MRTFB: variants seen among roughly 807,000 people sequenced by gnomAD.
The protein encoded by MRTFB is myocardin-related transcription factor B.
Under a neutral mutation model 104.2 loss-of-function variants are expected in MRTFB, and 29 were observed. That is an observed-to-expected ratio of 0.28 (90% CI 0.21 to 0.38). The LOEUF (loss-of-function observed/expected upper bound fraction) is 0.38. Among genes scored for constraint, MRTFB ranks in the 10% least tolerant of loss-of-function variants. MRTFB has a pLI of 1.00. For missense variants in MRTFB, 1,270 were observed against 1,341.6 expected (o/e 0.95, Z 0.83); for synonymous variants, 535 against 519.5 (o/e 1.03, Z -0.41).
chr16:14,082,593 G>A (rs138980451), intron 2 of MRTFB, among the ~76,000 whole-genome samples: 79 of 152,216 alleles, frequency 5.2e-4, no homozygotes, highest in Admixed American at 1.4e-3. Context: ...GACCAGCTGG[G>A]TGACAAAGTG....
At position 14,232,463 on chromosome 16, in the gene MRTFB, A is replaced by G. The variant is rs139138884; in HGVS notation, c.694-1683A>G. 2.8e-4 allele frequency among the ~76,000 whole-genome samples: 42 copies of G among 152,366 alleles called. 1 individual carries two copies. Among genetic ancestry groups the G allele is most frequent in the African/African-American group, 1.0e-3 (42 of 41,596 alleles). ...AGATGTCTCAGGGCTCTTTGCGGGC[A>G]GAAGTCTGCTGGAACACAGGTGTCC... On this transcript the variant is annotated intron_variant, in intron 8 of 16. Transcript: ENST00000571589.
chr16:14,131,006 C>T (rs2037412760), intron 2 of MRTFB, among the ~76,000 whole-genome samples: 1 of 152,106 alleles, frequency 6.6e-6, no homozygotes, highest in Non-Finnish European at 1.5e-5. Context: ...ATGGGAACTA[C>T]AATTCAAGGT....
At chr16:14,246,448 A>T in intron 11 of MRTFB, 25 bp from the exon 12 acceptor site, 7 of 1,607,996 alleles carry the variant, frequency 4.4e-6, no homozygotes, top group Non-Finnish European at 6.0e-6. Context: ...TAATACTAAG[A>T]TATCTGCTTT....
Position 14,213,610 on chromosome 16 carries a change from C to T in MRTFB, c.342C>T (p.His114=). 1 of 1,595,284 alleles carries T rather than the reference C, an allele frequency of 6.3e-7. No individual in the cohort carries two copies. The highest frequency in any genetic ancestry group is 8.5e-7 in the Non-Finnish European group (1 of 1,171,172). The change falls in exon 6 of 17, where the codon CAC becomes CAT. Residue 114 remains histidine, a synonymous_variant. Transcript: ENST00000571589. Reference sequence around the variant, plus strand: ...ATCGTTCTGAACTTGTCAGGATGCACATTTTAGAAGGTAAAGGATTTATTT... The same window carrying T: ...ATCGTTCTGAACTTGTCAGGATGCATATTTTAGAAGGTAAAGGATTTATTT... ...RPDRSELVRM[H]ILEETFAEPS...
At chr16:14,053,600 G>A in the MRTFB span, among the ~76,000 whole-genome samples, 46 of 151,792 alleles carry the variant, frequency 3.0e-4, no homozygotes, top group African/African-American at 1.1e-3. Context: ...GCGTGGTGGC[G>A]GGCACCTGTA....
At chr16:14,097,853 A>T (rs1208561104) in intron 2 of MRTFB, among the ~76,000 whole-genome samples, 1 of 151,996 alleles carries the variant, frequency 6.6e-6, no homozygotes, top group Non-Finnish European at 1.5e-5. Context: ...TCTTTGTTTG[A>T]CTTCTTTCAG....
rs1349468980 is a variant in MRTFB at position 14,265,915 on chromosome 16, T to G, written c.*4471T>G. On this transcript the variant is annotated 3_prime_UTR_variant, in exon 17 of 17. Coordinates refer to ENST00000571589, the MANE Select transcript of MRTFB (RefSeq NM_001308142.2). Reference sequence around the variant, plus strand: ...TTATGCCAACTACTAAGACAAAGCTTTAACAAAGTTTATAGAATACTGAAA... The same window carrying G: ...TTATGCCAACTACTAAGACAAAGCTGTAACAAAGTTTATAGAATACTGAAA... 7 of 152,224 alleles carry G rather than the reference T, an allele frequency of 4.6e-5. No individual in the cohort carries two copies. In the South Asian group the frequency reaches 1.2e-3, roughly 27 times the overall value. 9.4% of individuals were successfully genotyped at this position (152,224 alleles called of 1,614,324 possible).
chr16:14,226,687 C>T (rs745898374), intron 8 of MRTFB, among the ~76,000 whole-genome samples: 2 of 152,048 alleles, frequency 1.3e-5, no homozygotes, highest in Non-Finnish European at 2.9e-5. Context: ...TTCCTCAAAA[C>T]GTTTTGGCCA....
At chr16:14,035,072 C>A in the MRTFB span, among the ~76,000 whole-genome samples, 4 of 152,232 alleles carry the variant, frequency 2.6e-5, no homozygotes, top group Non-Finnish European at 5.9e-5. Flanking sequence ...GGAGATTTCA[C>A]CTCTGAAGTG....
At position 14,212,429 on chromosome 16, in the gene MRTFB, A is replaced by G. The variant is rs1227699865; in HGVS notation, c.276+20A>G. The G allele has an allele frequency of 6.2e-7, 1 of 1,611,080 alleles. No homozygotes were observed. The highest frequency in any genetic ancestry group is 2.2e-5 in the East Asian group (1 of 44,848). On this transcript the variant is annotated intron_variant, in intron 5 of 16. Coordinates refer to ENST00000571589, the MANE Select transcript of MRTFB (RefSeq NM_001308142.2). ...GCCAGAGTAAGACATTTCACTTTAA[A>G]ATGTTCTACTTCTCTCTCCTTCTCT...
At chr16:14,153,158 AG>A (rs1389454488) in intron 3 of MRTFB, 3 of 152,238 alleles carry the variant, frequency 2.0e-5, no homozygotes, top group Non-Finnish European at 4.4e-5. Context: ...TTAGTTATTG[AG>A]TTCTTGGCTG....
rs149895547 is a variant in MRTFB, at chr16:14,114,029, G to A, written c.-63-26515G>A. On this transcript the variant is annotated intron_variant, in intron 2 of 16. Transcript: ENST00000571589. ...CCTGTCAGTAAAAATAGTTGCTATG[G>A]ATTGCCAGTTCCTTTGGATCTTTAG... Among the ~76,000 whole-genome samples, 6 of 152,246 alleles carry A rather than the reference G, an allele frequency of 3.9e-5. No individual in the cohort carries two copies. The East Asian group carries it at 1.2e-3, about 29-fold the overall frequency.
chr16:14,178,041 G>T (rs1266410277), intron 3 of MRTFB, among the ~76,000 whole-genome samples: 3 of 151,998 alleles, frequency 2.0e-5, no homozygotes, highest in Non-Finnish European at 4.4e-5. Flanking sequence ...TAGGAGATTA[G>T]AAAAGAGGAG....
intron 3 of MRTFB, chr16:14,152,046 CTT>C (rs2038639674): frequency 1.3e-5 from 2 of 152,070 alleles, no homozygotes; most frequent in Admixed American, 6.5e-5. Context: ...TGCTGAGACT[CTT>C]TTAAAAGTCA....
the MRTFB span, among the ~76,000 whole-genome samples, chr16:14,006,919 A>T: frequency 6.6e-6 from 1 of 152,002 alleles, no homozygotes; most frequent in African/African-American, 2.4e-5. Flanking sequence ...TGGGAGGCTG[A>T]GGTGGGGGGA....
chr16:14,234,847 G>A (rs1421847163), intron 9 of MRTFB, among the ~76,000 whole-genome samples: 1 of 152,140 alleles, frequency 6.6e-6, no homozygotes, highest in Non-Finnish European at 1.5e-5. Context: ...CCCTGGTTCT[G>A]CCACCCAGGC....
intron 3 of MRTFB, chr16:14,143,473 A>C (rs971227400): frequency 1.3e-5 from 2 of 148,814 alleles, no homozygotes; most frequent in Non-Finnish European, 3.0e-5. Flanking sequence ...TCTTCCCGGT[A>C]TCTTTGAATA....
At chr16:14,253,230 TTCTCTC>T (rs2043327168) in intron 15 of MRTFB, among the ~76,000 whole-genome samples, 2 of 152,254 alleles carry the variant, frequency 1.3e-5, no homozygotes, top group Admixed American at 1.3e-4. Flanking sequence ...CCTCCAATCT[TTCTCTC>T]TAAAGCTTTC....
chr16:14,230,310 C>T (rs535725552), intron 8 of MRTFB, among the ~76,000 whole-genome samples: 1 of 152,252 alleles, frequency 6.6e-6, no homozygotes, highest in Non-Finnish European at 1.5e-5. Flanking sequence ...AGAGCTTCTG[C>T]ACAGCAAAAG....
Sources: allele counts gnomAD v4.1 joint callset (sites outside exome capture counted in the v4.1 genomes callset), GRCh38; gene constraint gnomAD v4.1.1; transcripts MANE v1.5; gene names NCBI Gene and HGNC (gene_info 2026-07-23, HGNC 2026-07-21).